RSF1: variants seen among roughly 807,000 people sequenced by gnomAD.
The protein encoded by RSF1 is remodeling and spacing factor 1.
A neutral mutation model predicts 145.2 loss-of-function variants in RSF1; 13 were observed. The ratio of observed to expected loss-of-function variants is 0.09; its 90% CI spans 0.06 to 0.14. RSF1 has a LOEUF of 0.14. Among genes scored for constraint, RSF1 ranks in the 10% least tolerant of loss-of-function variants. RSF1 has a pLI of 1.00. For missense variants in RSF1, 1,517 were observed against 1,718.2 expected (o/e 0.88, Z 2.07); for synonymous variants, 577 against 592.6 (o/e 0.97, Z 0.38).
the RSF1 span, among the ~76,000 whole-genome samples, chr11:77,862,697 T>C: frequency 1.3e-5 from 2 of 152,294 alleles, no homozygotes; most frequent in South Asian, 4.1e-4. Flanking sequence ...AGTTGTCTCT[T>C]AATGAAAAGA....
intron 7 of RSF1, among the ~76,000 whole-genome samples, chr11:77,695,828 C>A (rs563762290): frequency 6.6e-6 from 1 of 152,304 alleles, no homozygotes; most frequent in South Asian, 2.1e-4. Flanking sequence ...ACACATATAT[C>A]TTTCTGTGCC....
intron 15 of RSF1, among the ~76,000 whole-genome samples, chr11:77,670,502 TTC>T (rs1236271795): frequency 1.3e-5 from 2 of 152,202 alleles, no homozygotes; most frequent in African/African-American, 4.8e-5. Flanking sequence ...ATATCATATA[TTC>T]TACTTATCTA....
At chr11:77,821,181 G>GT (rs572921715), upstream of RSF1, 5 of 359,400 alleles carry the variant, frequency 1.4e-5, no homozygotes, top group Non-Finnish European at 2.5e-5. Context: ...CGCTGGGAGC[G>GT]TAAGTGCGGG....
rs1959324854 is a variant in RSF1, at chr11:77,664,952, C to T, written c.*1965G>A. 6.6e-6 allele frequency: 1 copy of T among 152,136 alleles called. No homozygotes were observed. The highest frequency in any genetic ancestry group is 1.5e-5 in the Non-Finnish European group (1 of 68,028). 9.4% of individuals were successfully genotyped at this position (152,136 alleles called of 1,614,324 possible). A position where few individuals can be genotyped will look rare whatever the true frequency, so the allele number is the denominator to read the frequency against. On this transcript the variant is annotated 3_prime_UTR_variant, in exon 16 of 16. Transcript: ENST00000308488. ...TGGAACCACATGCTATTGGTGCATC[C>T]TATTTTTAGGTTGCTTTCATTATTT...
rs930388109 is a variant in RSF1 at position 77,703,516 on chromosome 11, G to A, written c.734-1021C>T. 5.3e-5 allele frequency: 8 copies of A among 151,974 alleles called. No individual in the cohort carries two copies. The East Asian group carries it at 7.7e-4, about 15-fold the overall frequency. 9.4% of individuals were successfully genotyped at this position (151,974 alleles called of 1,614,324 possible). A position where few individuals can be genotyped will look rare whatever the true frequency, so the allele number is the denominator to read the frequency against. ...TTCCTAAAATTTTGAAATGATTCTC[G>A]TCAAGTTGATAAACCAGTTAGGATA... On this transcript the variant is annotated intron_variant, in intron 5 of 15. Coordinates refer to ENST00000308488, the MANE Select transcript of RSF1 (RefSeq NM_016578.4).
chr11:77,679,672 CAAAA>C (rs529571713), intron 11 of RSF1, among the ~76,000 whole-genome samples: 1 of 84,542 alleles, frequency 1.2e-5, no homozygotes. Context: ...GACCCTGTCT[CAAAA>C]AAAAAAAAAA....
chr11:77,834,424 T>A, the RSF1 span, among the ~76,000 whole-genome samples: 9 of 148,024 alleles, frequency 6.1e-5, no homozygotes, highest in Admixed American at 2.8e-4. Flanking sequence ...ATGAATTTCA[T>A]GGAGAAAGTT....
intron 2 of RSF1, among the ~76,000 whole-genome samples, chr11:77,754,816 A>G (rs1948099905): frequency 6.6e-6 from 1 of 151,640 alleles, no homozygotes; most frequent in African/African-American, 2.4e-5. Flanking sequence ...TCATGTGTGT[A>G]GTCCCAGCCT....
chr11:77,692,182 C>A (rs938877273), intron 8 of RSF1, among the ~76,000 whole-genome samples: 2 of 148,792 alleles, frequency 1.3e-5, no homozygotes, highest in African/African-American at 2.5e-5. Flanking sequence ...TAAGCCACCA[C>A]GCTTGGCCAA....
chr11:77,793,923 T>TA (rs368327969), intron 1 of RSF1, among the ~76,000 whole-genome samples: 19 of 149,924 alleles, frequency 1.3e-4, no homozygotes, highest in East Asian at 7.8e-4. Flanking sequence ...AAAAAGGTAA[T>TA]AAAAAAAAAG....
chr11:77,746,924 C>T (rs1948008293), intron 3 of RSF1, 112 bp downstream of exon 3: 1 of 621,260 alleles, frequency 1.6e-6, no homozygotes. Context: ...ACTCCATTGT[C>T]CTCTTCTGCT....
intron 1 of RSF1, among the ~76,000 whole-genome samples, chr11:77,768,207 G>T (rs371245260): frequency 2.3e-5 from 3 of 128,760 alleles, no homozygotes; most frequent in South Asian, 2.4e-4. Flanking sequence ...CTGTCACCCA[G>T]ACTGGAGTGC....
chr11:77,792,748 A>C (rs570986118), intron 1 of RSF1, among the ~76,000 whole-genome samples: 43 of 152,258 alleles, frequency 2.8e-4, no homozygotes, highest in African/African-American at 9.9e-4. Flanking sequence ...AAAAAAAAAA[A>C]AAACTGCCAA....
Position 77,698,647 on chromosome 11 carries a change from C to T in RSF1, c.2555G>A (p.Gly852Asp). ...ATCATTGCTGGAATATTTCCATCTGCCACGTGTCCGAGAACCAGTCCATCG... is the reference window on the plus strand; with the variant it reads ...ATCATTGCTGGAATATTTCCATCTGTCACGTGTCCGAGAACCAGTCCATCG... ...KVRWTGSRTR[G>D]RWKYSSNDES... The change falls in exon 7 of 16, where the codon GGC becomes GAC. Residue 852 changes from glycine to aspartate, a missense_variant. Around this residue, in one of 12 missense-constraint regions of RSF1, gnomAD observed 579 missense variants for 553.5 expected, o/e 1.05. Coordinates refer to ENST00000308488, the MANE Select transcript of RSF1 (RefSeq NM_016578.4). 1 of 1,614,106 alleles carries T rather than the reference C, an allele frequency of 6.2e-7. No homozygotes were observed. Among genetic ancestry groups the T allele is most frequent in the Non-Finnish European group, 8.5e-7 (1 of 1,180,012 alleles).
In RSF1 at chr11:77,820,656, C is replaced by T; in HGVS notation, c.59G>A (p.Cys20Tyr). 1 of 1,560,010 alleles carries T rather than the reference C, an allele frequency of 6.4e-7. No individual in the cohort carries two copies. The highest frequency in any genetic ancestry group is 2.0e-4 in the Middle Eastern group (1 of 5,044). Residue 20 changes from cysteine to tyrosine, a missense_variant, in exon 1 of 16, where the codon TGC becomes TAC. By Grantham distance (194) the Cys-to-Tyr change is radical. Transcript: ENST00000308488. ...VMAPPGCPGS[C>Y]PNFAVVCSFL... is the part of the protein sequence containing the mutation. ...GGAGCAGACTACGGCGAAGTTGGGG[C>T]ACGAACCCGGGCAGCCCGGAGGAGC...
At chr11:77,788,805 T>A (rs1004754621) in intron 1 of RSF1, among the ~76,000 whole-genome samples, 25 of 152,270 alleles carry the variant, frequency 1.6e-4, no homozygotes, top group Admixed American at 6.5e-4. Flanking sequence ...ACTTTAAGAT[T>A]GCTAACTAGA....
intron 1 of RSF1, among the ~76,000 whole-genome samples, chr11:77,813,092 T>G (rs923406889): frequency 1.3e-5 from 2 of 152,064 alleles, no homozygotes; most frequent in Non-Finnish European, 2.9e-5. Context: ...CTTCTTCTGT[T>G]TATTAACAGA....
At chr11:77,772,508 A>G (rs1486629256) in intron 1 of RSF1, among the ~76,000 whole-genome samples, 1 of 152,126 alleles carries the variant, frequency 6.6e-6, no homozygotes. Context: ...CAAAGGTCAC[A>G]TATCACTTAA....
At chr11:77,774,894 G>T (rs1326693637) in intron 1 of RSF1, among the ~76,000 whole-genome samples, 1 of 150,546 alleles carries the variant, frequency 6.6e-6, no homozygotes, top group Admixed American at 6.6e-5. Flanking sequence ...AGCCTCCCGA[G>T]TAGCTAGGAT....
Sources: gnomAD v4.1 joint callset for allele counts (sites outside exome capture counted in the v4.1 genomes callset) on GRCh38, gnomAD v4.1.1 for gene constraint, gnomAD v4.1.1 regional missense constraint, MANE v1.5 for transcripts, NCBI Gene and HGNC (gene_info 2026-07-23, HGNC 2026-07-21) for gene names.